Variants in MAGI2 observed in about 807,000 individuals in gnomAD.
The protein encoded by MAGI2 is membrane associated guanylate kinase, WW and PDZ domain containing 2.
MAGI2 carries 35 observed loss-of-function variants against 133.3 expected under a neutral mutation model. The observed-to-expected ratio is 0.26, with a 90% CI of 0.20 to 0.35. The LOEUF is 0.35. Among genes scored for constraint, MAGI2 ranks in the 10% least tolerant of loss-of-function variants. The pLI, the probability that MAGI2 is intolerant of heterozygous loss-of-function variation, is 1.00. For missense variants in MAGI2, 1,636 were observed against 1,863.4 expected (o/e 0.88, Z 2.25); for synonymous variants, 729 against 710.6 (o/e 1.03, Z -0.41).
At chr7:78,717,104 G>A (rs1030791148) in intron 2 of MAGI2, among the ~76,000 whole-genome samples, 3 of 152,040 alleles carry the variant, frequency 2.0e-5, no homozygotes, top group Admixed American at 1.3e-4. Flanking sequence ...GACCTCTCCC[G>A]CCTGGACCTA....
At chr7:79,171,770 A>ATATATTTTT in intron 1 of MAGI2, among the ~76,000 whole-genome samples, 11 of 31,220 alleles carry the variant, frequency 3.5e-4, no homozygotes, top group South Asian at 2.4e-3. Context: ...ATATATATAT[A>ATATATTTTT]TTTTTTTTTT....
rs529666634 is a variant in MAGI2, at chr7:78,057,872, AG to A, written c.3706+21074del. On this transcript the variant is annotated intron_variant, in intron 21 of 21. Transcript: ENST00000354212. ...TAAAGATATTGACTGCTGTATGCCC[AG>A]GGGTAACAAGCTATTGATGGCTATA... 2.4e-3 allele frequency among the ~76,000 whole-genome samples: 356 copies of A among 151,452 alleles called. 1 individual carries two copies. The highest frequency in any genetic ancestry group is 4.2e-3 in the Non-Finnish European group (288 of 67,846).
At chr7:78,981,638 T>C (rs1478170238) in intron 2 of MAGI2, among the ~76,000 whole-genome samples, 1 of 151,928 alleles carries the variant, frequency 6.6e-6, no homozygotes, top group Non-Finnish European at 1.5e-5. Context: ...CAGAGGTAGA[T>C]TGTACCCTTG....
chr7:79,266,135 C>T (rs1355483229), intron 1 of MAGI2, among the ~76,000 whole-genome samples: 6 of 151,994 alleles, frequency 3.9e-5, no homozygotes, highest in East Asian at 1.9e-4. Flanking sequence ...CATGAATAAA[C>T]GTTGTTGGTC....
chr7:78,876,321 C>CAAAAAAAAAAAAA (rs57950337), intron 2 of MAGI2, among the ~76,000 whole-genome samples: 45 of 79,680 alleles, frequency 5.6e-4, no homozygotes, highest in African/African-American at 1.8e-3. Context: ...GACTCCGTCT[C>CAAAAAAAAAAAAA]AAAAAAAAAA....
intron 19 of MAGI2, among the ~76,000 whole-genome samples, 159 bp downstream of exon 19, chr7:78,127,038 C>T (rs1821053952): frequency 6.6e-6 from 1 of 152,200 alleles, no homozygotes; most frequent in South Asian, 2.1e-4. Context: ...CAGCATGTTT[C>T]TGAGGATGCA....
intron 6 of MAGI2, among the ~76,000 whole-genome samples, chr7:78,443,577 T>C (rs532174542): frequency 6.6e-6 from 1 of 152,324 alleles, no homozygotes; most frequent in African/African-American, 2.4e-5. Flanking sequence ...ATTATTCCTC[T>C]GTTATAACAT....
chr7:78,730,476 T>C (rs553799389), intron 2 of MAGI2, among the ~76,000 whole-genome samples: 2 of 151,776 alleles, frequency 1.3e-5, no homozygotes, highest in South Asian at 4.2e-4. Context: ...TATAGAAGGA[T>C]ATCTTTATTG....
At chr7:78,923,963 G>C (rs932638968) in intron 2 of MAGI2, among the ~76,000 whole-genome samples, 1 of 152,022 alleles carries the variant, frequency 6.6e-6, no homozygotes, top group Non-Finnish European at 1.5e-5. Context: ...GCAATTGTGA[G>C]TGGGAGTTCA....
chr7:78,790,235 T>C (rs1048886240), intron 2 of MAGI2, among the ~76,000 whole-genome samples: 6 of 152,168 alleles, frequency 3.9e-5, no homozygotes, highest in African/African-American at 9.7e-5. Flanking sequence ...ATCATACACA[T>C]AGGCATGAAA....
At chr7:78,210,618 A>G (rs1787679903) in intron 10 of MAGI2, among the ~76,000 whole-genome samples, 1 of 152,186 alleles carries the variant, frequency 6.6e-6, no homozygotes, top group African/African-American at 2.4e-5. Context: ...TTTAAGTTCT[A>G]TAGTAATTGG....
intron 2 of MAGI2, among the ~76,000 whole-genome samples, chr7:78,885,199 G>A (rs1334615056): frequency 6.6e-6 from 1 of 152,026 alleles, no homozygotes; most frequent in Non-Finnish European, 1.5e-5. Flanking sequence ...AATACTTATT[G>A]GGTATTATGC....
At chr7:78,741,753 T>C (rs1251050412) in intron 2 of MAGI2, among the ~76,000 whole-genome samples, 1 of 152,072 alleles carries the variant, frequency 6.6e-6, no homozygotes, top group Non-Finnish European at 1.5e-5. Context: ...ATACTAGAGT[T>C]GTTTAAAATC....
chr7:79,057,271 G>A (rs1033668994), intron 1 of MAGI2, among the ~76,000 whole-genome samples: 2 of 152,114 alleles, frequency 1.3e-5, no homozygotes, highest in Non-Finnish European at 2.9e-5. Context: ...AGATGTGGAA[G>A]GACCACATGA....
chr7:78,559,102 G>C (rs1374279062), intron 3 of MAGI2, among the ~76,000 whole-genome samples: 1 of 108,522 alleles, frequency 9.2e-6, no homozygotes, highest in East Asian at 3.1e-4. Flanking sequence ...CAATCATTAC[G>C]ACTCTACTTT....
intron 1 of MAGI2, among the ~76,000 whole-genome samples, chr7:79,128,702 T>G (rs1188449484): frequency 6.6e-6 from 1 of 152,156 alleles, no homozygotes; most frequent in Non-Finnish European, 1.5e-5. Context: ...AAAGGTAAAT[T>G]TATTCAATTT....
chr7:78,624,807 A>G (rs909274758), intron 3 of MAGI2, among the ~76,000 whole-genome samples: 2 of 152,184 alleles, frequency 1.3e-5, no homozygotes, highest in Non-Finnish European at 2.9e-5. Flanking sequence ...ACATACGGTT[A>G]TGTATAGCGT....
intron 1 of MAGI2, among the ~76,000 whole-genome samples, chr7:79,260,375 CATACAT>C: frequency 4.7e-5 from 1 of 21,098 alleles, no homozygotes; most frequent in East Asian, 7.6e-4. Flanking sequence ...TACATACATA[CATACAT>C]ACATACATAC....
intron 2 of MAGI2, among the ~76,000 whole-genome samples, chr7:78,763,005 T>C (rs901394086): frequency 6.6e-6 from 1 of 152,320 alleles, no homozygotes; most frequent in South Asian, 2.1e-4. Context: ...ATCTCAGACA[T>C]AGAGCATTCT....
Sources: gnomAD v4.1 joint callset for allele counts (sites outside exome capture counted in the v4.1 genomes callset) on GRCh38, gnomAD v4.1.1 for gene constraint, MANE v1.5 for transcripts, NCBI Gene and HGNC (gene_info 2026-07-23, HGNC 2026-07-21) for gene names.